Variants in KCNU1 observed in about 807,000 individuals in gnomAD.
The protein encoded by KCNU1 is potassium channel subfamily U member 1.
A neutral mutation model predicts 126.8 loss-of-function variants in KCNU1; 93 were observed. That is an observed-to-expected ratio of 0.73 (90% CI 0.62 to 0.87). KCNU1 has a LOEUF of 0.87. Ranked by LOEUF, KCNU1 falls within the 40% of genes least tolerant of loss-of-function variation. The pLI is 0.00. For missense variants in KCNU1, 1,330 were observed against 1,367.1 expected, an observed-to-expected ratio of 0.97 and a Z score of 0.43; for synonymous variants, 523 against 494.2, an observed-to-expected ratio of 1.06 and a Z score of -0.77.
At chr8:36,839,113 C>G (rs1237558709) in intron 14 of KCNU1, among the ~76,000 whole-genome samples, 1 of 152,106 alleles carries the variant, frequency 6.6e-6, no homozygotes, top group Non-Finnish European at 1.5e-5. Flanking sequence ...TCTGAGAACT[C>G]AGATTAAAAG....
At chr8:36,812,098 G>T (rs1803739025) in intron 7 of KCNU1, among the ~76,000 whole-genome samples, 1 of 151,212 alleles carries the variant, frequency 6.6e-6, no homozygotes, top group South Asian at 2.1e-4. Flanking sequence ...TGATATTTTG[G>T]TCAGGCCCCT....
chr8:36,792,153 A>T (rs764454068), intron 2 of KCNU1, among the ~76,000 whole-genome samples: 1 of 152,182 alleles, frequency 6.6e-6, no homozygotes, highest in Non-Finnish European at 1.5e-5. Flanking sequence ...TAAAAACTAA[A>T]TTCCTTCCTT....
chr8:36,872,951 C>T (rs189958981), intron 19 of KCNU1, among the ~76,000 whole-genome samples: 21 of 152,178 alleles, frequency 1.4e-4, no homozygotes, highest in African/African-American at 3.9e-4. Context: ...AACCCCGTCA[C>T]GCCTGTCATC....
chr8:36,932,883 T>C (rs1040127397), intron 25 of KCNU1, 37 bp from the exon 26 acceptor site: 2 of 1,188,476 alleles, frequency 1.7e-6, no homozygotes, highest in South Asian at 1.3e-5. Flanking sequence ...TTGATCAAAG[T>C]GCCCAGCAGA....
intron 19 of KCNU1, among the ~76,000 whole-genome samples, chr8:36,896,238 G>A (rs192986028): frequency 6.6e-6 from 1 of 151,698 alleles, no homozygotes; most frequent in Admixed American, 6.6e-5. Flanking sequence ...ACATGATATC[G>A]ATTTAGCCTC....
At chr8:36,784,668 G>A (rs370343954) in intron 1 of KCNU1, 63 bp downstream of exon 1, 15 of 1,272,172 alleles carry the variant, frequency 1.2e-5, no homozygotes, top group East Asian at 7.2e-5. Flanking sequence ...GTAGTTTTGT[G>A]TTTAGTAAAA....
At chr8:36,854,122 A>G (rs1444260560) in intron 18 of KCNU1, among the ~76,000 whole-genome samples, 1 of 152,158 alleles carries the variant, frequency 6.6e-6, no homozygotes, top group African/African-American at 2.4e-5. Context: ...ACGATGAGTC[A>G]CTTCTGTCTT....
intron 2 of KCNU1, among the ~76,000 whole-genome samples, chr8:36,803,126 A>G (rs369202721): frequency 5.9e-5 from 9 of 152,340 alleles, no homozygotes; most frequent in African/African-American, 1.9e-4. Flanking sequence ...TGCAGAGGTC[A>G]GAGGTAGCCT....
At chr8:36,847,538 G>C (rs761237112) in intron 18 of KCNU1, among the ~76,000 whole-genome samples, 7 of 152,146 alleles carry the variant, frequency 4.6e-5, no homozygotes, top group Admixed American at 2.6e-4. Flanking sequence ...ACCACAAGTC[G>C]AGTCTCTACT....
chr8:36,788,603 T>C (rs1165222053), intron 2 of KCNU1, among the ~76,000 whole-genome samples: 1 of 152,230 alleles, frequency 6.6e-6, no homozygotes, highest in Non-Finnish European at 1.5e-5. Context: ...AATAAATTAC[T>C]AAAGCTTGGT....
intron 18 of KCNU1, among the ~76,000 whole-genome samples, chr8:36,860,601 G>T (rs1805693777): frequency 6.6e-6 from 1 of 152,136 alleles, no homozygotes; most frequent in African/African-American, 2.4e-5. Context: ...GGGCAAGGAG[G>T]GGTGCATAAG....
At chr8:36,838,058 C>G (rs1804819138) in intron 14 of KCNU1, among the ~76,000 whole-genome samples, 1 of 152,146 alleles carries the variant, frequency 6.6e-6, no homozygotes. Flanking sequence ...GTAATTCCTT[C>G]CGTGAATGTA....
Position 36,909,300 on chromosome 8 carries a change from C to T in KCNU1, c.2107-11C>T, listed in dbSNP as rs183614435. ...ATGAAAATGACCAGACTGTGGCATCCTTATCCTTAGAAACGAACTGGCAAG... is the reference window on the plus strand; with the variant it reads ...ATGAAAATGACCAGACTGTGGCATCTTTATCCTTAGAAACGAACTGGCAAG... On this transcript the variant is annotated splice_polypyrimidine_tract_variant and intron_variant, in intron 20 of 26. Coordinates refer to ENST00000399881, the MANE Select transcript of KCNU1 (RefSeq NM_001031836.3). 170 of 1,582,758 alleles carry T rather than the reference C, an allele frequency of 1.1e-4. No individual in the cohort carries two copies. The highest frequency in any genetic ancestry group is 2.3e-4 in the Admixed American group (14 of 59,946).
chr8:36,803,739 C>T (rs1191359090), intron 2 of KCNU1, among the ~76,000 whole-genome samples: 1 of 152,136 alleles, frequency 6.6e-6, no homozygotes, highest in Non-Finnish European at 1.5e-5. Flanking sequence ...TTAAAAGCCT[C>T]TAGAAGCAGC....
intron 10 of KCNU1, among the ~76,000 whole-genome samples, chr8:36,820,231 T>G (rs556391024): frequency 6.6e-6 from 1 of 152,306 alleles, no homozygotes; most frequent in South Asian, 2.1e-4. Context: ...CATAGTATAT[T>G]ATTGTTGCTT....
chr8:36,854,766 AT>A (rs1299036912), intron 18 of KCNU1, among the ~76,000 whole-genome samples: 1 of 152,032 alleles, frequency 6.6e-6, no homozygotes, highest in East Asian at 1.9e-4. Flanking sequence ...TTTCCTATGT[AT>A]TTTTATCTTG....
intron 22 of KCNU1, among the ~76,000 whole-genome samples, chr8:36,912,864 A>T (rs1807938451): frequency 7.2e-6 from 1 of 138,724 alleles, no homozygotes; most frequent in Middle Eastern, 3.9e-3. Flanking sequence ...GCTACTCGGG[A>T]GGCTGAGGCA....
At chr8:36,878,611 G>A (rs1203803434) in intron 19 of KCNU1, among the ~76,000 whole-genome samples, 1 of 152,000 alleles carries the variant, frequency 6.6e-6, no homozygotes, top group Non-Finnish European at 1.5e-5. Flanking sequence ...TTGACCATTG[G>A]GTAGGGGATG....
chr8:36,830,853 A>G lies in KCNU1; in HGVS notation c.1107-2701A>G, dbSNP rs562241429. On this transcript the variant is annotated intron_variant, in intron 10 of 26. Transcript: ENST00000399881. ...TACATGTGCCATGCTGGTGCGCTGC[A>G]CCCACTAACTCGTCATCTAGCATTA... is the stretch of plus-strand genomic sequence containing the variant. Among the ~76,000 whole-genome samples, 745 of 151,154 alleles carry G rather than the reference A, an allele frequency of 4.9e-3. 10 individuals carry two copies. The highest frequency in any genetic ancestry group is 0.017 in the African/African-American group (706 of 41,156).
Sources: gnomAD v4.1 joint callset for allele counts (sites outside exome capture counted in the v4.1 genomes callset) on GRCh38, gnomAD v4.1.1 for gene constraint, MANE v1.5 for transcripts, NCBI Gene and HGNC (gene_info 2026-07-23, HGNC 2026-07-21) for gene names.